LRMDA: variants seen among roughly 807,000 people sequenced by gnomAD.
LRMDA encodes leucine rich melanocyte differentiation associated.
In LRMDA, 18 loss-of-function variants were observed where a neutral mutation model predicts 29.8. The ratio of observed to expected loss-of-function variants is 0.60; its 90% CI spans 0.42 to 0.90. The LOEUF (loss-of-function observed/expected upper bound fraction) is 0.90. Among genes scored for constraint, LRMDA ranks in the 40% least tolerant of loss-of-function variants. LRMDA has a pLI of 0.00. For missense variants in LRMDA, 273 were observed against 273.9 expected, an observed-to-expected ratio of 1.00 and a Z score of 0.02; for synonymous variants, 125 against 109.4, an observed-to-expected ratio of 1.14 and a Z score of -0.89.
chr10:76,009,193 C>T (rs1159147665), intron 2 of LRMDA, among the ~76,000 whole-genome samples: 1 of 152,194 alleles, frequency 6.6e-6, no homozygotes, highest in Non-Finnish European at 1.5e-5. Context: ...GCTAAAAACA[C>T]CCCTTTCTGC....
intron 5 of LRMDA, among the ~76,000 whole-genome samples, chr10:76,137,379 T>C (rs571290800): frequency 1.3e-5 from 2 of 152,354 alleles, no homozygotes; most frequent in South Asian, 4.1e-4. Context: ...TGATGAGGTC[T>C]TACTTAATGA....
intron 2 of LRMDA, among the ~76,000 whole-genome samples, chr10:75,690,988 T>TACACAC (rs1476550881): frequency 2.1e-5 from 2 of 95,750 alleles, no homozygotes; most frequent in African/African-American, 4.5e-5. Context: ...AATATATATA[T>TACACAC]ATATATACAC....
intron 2 of LRMDA, among the ~76,000 whole-genome samples, chr10:75,742,519 G>A (rs1842842088): frequency 6.6e-6 from 1 of 152,190 alleles, no homozygotes; most frequent in African/African-American, 2.4e-5. Flanking sequence ...GGCACACTAT[G>A]AAAAATACAT....
intron 5 of LRMDA, among the ~76,000 whole-genome samples, chr10:76,189,330 C>T (rs548585811): frequency 6.6e-6 from 1 of 151,922 alleles, no homozygotes; most frequent in African/African-American, 2.4e-5. Flanking sequence ...GCACTCCAGC[C>T]TGGGTGACAG....
intron 2 of LRMDA, among the ~76,000 whole-genome samples, chr10:75,520,020 G>C (rs1030379343): frequency 7.2e-5 from 11 of 152,186 alleles, no homozygotes; most frequent in African/African-American, 2.4e-4. Flanking sequence ...ACTGTCTTCT[G>C]GCTTGTTGGG....
chr10:76,304,171 C>G (rs1840519806), intron 5 of LRMDA, among the ~76,000 whole-genome samples: 1 of 152,134 alleles, frequency 6.6e-6, no homozygotes, highest in South Asian at 2.1e-4. Context: ...TTGAAGGAGA[C>G]AGAAAGATGG....
chr10:76,275,879 TC>T, intron 5 of LRMDA, among the ~76,000 whole-genome samples: 1 of 152,266 alleles, frequency 6.6e-6, no homozygotes, highest in African/African-American at 2.4e-5. Context: ...GTTCCACAGG[TC>T]CTTGAGGCTG....
chr10:76,027,624 A>G (rs1280645755), intron 2 of LRMDA, among the ~76,000 whole-genome samples: 1 of 152,262 alleles, frequency 6.6e-6, no homozygotes, highest in Admixed American at 6.5e-5. Flanking sequence ...ACAGCAGTTT[A>G]TAAACTAGAA....
intron 2 of LRMDA, among the ~76,000 whole-genome samples, chr10:75,441,118 C>T (rs562135298): frequency 1.3e-5 from 2 of 152,248 alleles, no homozygotes; most frequent in South Asian, 4.2e-4. Context: ...AGATTCTAAA[C>T]TTACCTTCCA....
Position 75,806,180 on chromosome 10 carries a change from A to T in LRMDA, c.132-229828A>T, listed in dbSNP as rs1275597819. ...TTTGAGAGGACAGAACTAAGCTGTG[A>T]GGGATCCACGCCTATGACCCAAACA... On this transcript the variant is annotated intron_variant, in intron 2 of 6. Coordinates refer to ENST00000611255, the MANE Select transcript of LRMDA (RefSeq NM_001305581.2). 2.0e-5 allele frequency among the ~76,000 whole-genome samples: 3 copies of T among 152,176 alleles called. No homozygotes were observed. In the East Asian group the frequency reaches 5.8e-4, roughly 29 times the overall value.
At chr10:76,544,570 C>T (rs1843396276) in intron 6 of LRMDA, among the ~76,000 whole-genome samples, 1 of 152,078 alleles carries the variant, frequency 6.6e-6, no homozygotes, top group Non-Finnish European at 1.5e-5. Context: ...CTACTATTTT[C>T]CTTGTCTTTA....
intron 2 of LRMDA, among the ~76,000 whole-genome samples, chr10:75,647,176 A>G (rs572611392): frequency 3.3e-5 from 5 of 152,240 alleles, no homozygotes; most frequent in Admixed American, 2.6e-4. Context: ...CAGCTGCAAC[A>G]AGTCGTAGGA....
intron 2 of LRMDA, among the ~76,000 whole-genome samples, chr10:75,537,510 C>T (rs913682584): frequency 2.0e-5 from 3 of 152,224 alleles, no homozygotes; most frequent in Admixed American, 6.5e-5. Context: ...GCTCTCAGCA[C>T]AGTGCCTGGC....
At chr10:75,742,513 C>T (rs1489359770) in intron 2 of LRMDA, among the ~76,000 whole-genome samples, 1 of 152,138 alleles carries the variant, frequency 6.6e-6, no homozygotes, top group Non-Finnish European at 1.5e-5. Context: ...ATGGGAGGCA[C>T]ACTATGAAAA....
chr10:76,390,127 T>G (rs2132482512), intron 6 of LRMDA, among the ~76,000 whole-genome samples: 1 of 152,318 alleles, frequency 6.6e-6, no homozygotes, highest in South Asian at 2.1e-4. Flanking sequence ...TGATTCCAAT[T>G]ATTCCACAGG....
intron 2 of LRMDA, 57 bp downstream of exon 2, chr10:75,438,551 C>T (rs1564771374): frequency 1.5e-6 from 2 of 1,336,832 alleles, no homozygotes; most frequent in Non-Finnish European, 2.1e-6. Flanking sequence ...CTCCTGGGTA[C>T]TTTAGGGCCA....
At chr10:76,162,795 C>T (rs1286667139) in intron 5 of LRMDA, among the ~76,000 whole-genome samples, 1 of 152,138 alleles carries the variant, frequency 6.6e-6, no homozygotes, top group Non-Finnish European at 1.5e-5. Flanking sequence ...CAAACTATAT[C>T]AGCCCCTCAG....
intron 6 of LRMDA, among the ~76,000 whole-genome samples, chr10:76,469,845 T>C (rs1350103298): frequency 6.6e-6 from 1 of 152,112 alleles, no homozygotes; most frequent in Non-Finnish European, 1.5e-5. Context: ...TACAATTCAG[T>C]GGCATCTATA....
chr10:76,378,359 A>G (rs527507985), intron 6 of LRMDA, among the ~76,000 whole-genome samples: 29 of 152,238 alleles, frequency 1.9e-4, no homozygotes, highest in African/African-American at 5.5e-4. Context: ...CTCTTTCCCA[A>G]TTTGGATGCC....
Sources: gnomAD v4.1 joint callset for allele counts (sites outside exome capture counted in the v4.1 genomes callset) on GRCh38, gnomAD v4.1.1 for gene constraint, MANE v1.5 for transcripts, NCBI Gene and HGNC (gene_info 2026-07-23, HGNC 2026-07-21) for gene names.